Variants in EIF2D observed in about 807,000 individuals in gnomAD.
EIF2D encodes the protein eukaryotic translation initiation factor 2D.
In EIF2D, 56 loss-of-function variants were observed where a neutral mutation model predicts 77.4. That is an observed-to-expected ratio of 0.72 (90% confidence interval 0.58 to 0.90). EIF2D has a LOEUF of 0.90. EIF2D is among the 40% of genes least tolerant of loss of function. The probability of loss-of-function intolerance (pLI) is 0.00; values close to 1 mark genes in which losing one functional copy is unlikely to be tolerated. For synonymous variants in EIF2D, 230 were observed against 271.0 expected (o/e 0.85, Z 1.49); for missense variants, 574 against 706.5 (o/e 0.81, Z 2.13).
chr1:206,584,294 A>G lies in EIF2D; in HGVS notation c.139-3132T>C, dbSNP rs1226166000. ...GAGGCAGGAAAGAACTCAAGGAGAC[A>G]GGTGGGTGCTGCTGGGGCAATGGCC... On this transcript the variant is annotated intron_variant and NMD_transcript_variant, in intron 2 of 5. Coordinates refer to the EIF2D transcript ENST00000472709. The surrounding 1 kb of genome is among the most constrained non-coding windows in gnomAD (Gnocchi z 4.9). 9 of 1,236,768 alleles carry G rather than the reference A, an allele frequency of 7.3e-6. No homozygotes were observed. In the East Asian group the frequency reaches 2.2e-4, roughly 30 times the overall value. The allele number at this position is 1,236,768 out of a possible 1,614,324, so 76.6% of individuals were successfully genotyped here.
At chr1:206,612,199 C>T (rs1408018783) in intron 1 of EIF2D, 88 bp downstream of exon 1, 2 of 1,573,494 alleles carry the variant, frequency 1.3e-6, no homozygotes, top group East Asian at 4.5e-5. Flanking sequence ...CCGAGGATGT[C>T]GGCCAAGAAT....
intron 2 of EIF2D, among the ~76,000 whole-genome samples, chr1:206,582,358 G>A (rs1282939242): frequency 6.6e-6 from 1 of 152,202 alleles, no homozygotes; most frequent in Non-Finnish European, 1.5e-5. Context: ...GGTCTCACAG[G>A]AGGAACACAA....
intron 4 of EIF2D, among the ~76,000 whole-genome samples, chr1:206,576,584 G>A (rs1378680023): frequency 6.6e-6 from 1 of 152,182 alleles, no homozygotes; most frequent in Non-Finnish European, 1.5e-5. Flanking sequence ...GAGAGACCAG[G>A]ACAAAACTGT....
chr1:206,603,309 G>A (rs1214787080), intron 5 of EIF2D, 105 bp from the exon 6 acceptor site: 19 of 1,478,902 alleles, frequency 1.3e-5, no homozygotes, highest in Middle Eastern at 2.3e-4. Flanking sequence ...AGAGCCAACA[G>A]GCAGGAGTGG....
rs531402398 is a variant in EIF2D at position 206,608,195 on chromosome 1, AC to A, written c.422+40del. 2.1e-3 allele frequency: 3,309 copies of A among 1,576,768 alleles called. 42 individuals carry two copies. The highest frequency in any genetic ancestry group is 9.4e-4 in the Non-Finnish European group (1,083 of 1,153,062). On this transcript the variant is annotated intron_variant, in intron 4 of 14. Transcript: ENST00000271764. ...CATTCCCCTCCAACTTCTCTTTTAC[AC>A]AAGTTTTTCCCCCAAAGGCACAGTT...
downstream of EIF2D, among the ~76,000 whole-genome samples, chr1:206,591,027 C>A (rs1669322849): frequency 6.6e-6 from 1 of 152,330 alleles, no homozygotes; most frequent in East Asian, 1.9e-4. Context: ...CGTACAAAAT[C>A]TGTGCACCAT....
Position 206,579,656 on chromosome 1 carries a change from A to G in EIF2D, c.*254+1036T>C, listed in dbSNP as rs1352712625. Among the ~76,000 whole-genome samples the G allele has an allele frequency of 2.0e-5, 3 of 151,352 alleles. No individual in the cohort carries two copies. The highest frequency in any genetic ancestry group is 4.9e-5 in the African/African-American group (2 of 40,608). On this transcript the variant is annotated intron_variant and NMD_transcript_variant, in intron 4 of 5. Transcript: ENST00000472709. The surrounding 1 kb of genome is among the most constrained non-coding windows in gnomAD (Gnocchi z 4.2). Reference sequence around the variant, plus strand: ...ATGTTGCTGCGAATTAAAATCAACTAGGAGATTTTTAAAATTCCCATGCCC... The same window carrying G: ...ATGTTGCTGCGAATTAAAATCAACTGGGAGATTTTTAAAATTCCCATGCCC...
At chr1:206,585,109 C>T in intron 2 of EIF2D, 2 of 1,158,892 alleles carry the variant, frequency 1.7e-6, no homozygotes, top group East Asian at 2.3e-5. Context: ...CATTTCCAAT[C>T]CTTTCCCGCA....
chr1:206,602,173 T>C, intron 7 of EIF2D, 163 bp downstream of exon 7: 1 of 551,328 alleles, frequency 1.8e-6, no homozygotes, highest in South Asian at 2.6e-5. Context: ...ATTAACTTTT[T>C]AGAACCCAGG....
In EIF2D at chr1:206,602,976, G is replaced by A; in HGVS notation, c.759C>T (p.Asp253=). The stretch of plus-strand genomic sequence containing the variant: ...CTTGAAGCGTTTTGCTATCTGTGGA[G>A]TCTTGGTTCAGGCCCCTGGTGCTGG... ...EDTSTRGLNQ[D]STDSKTLQEQ... is the part of the protein sequence containing the mutation. The change falls in exon 6 of 15, where the codon GAC becomes GAT. Residue 253 remains aspartate (D), a synonymous_variant. Transcript: ENST00000271764. The A allele has an allele frequency of 6.2e-7, 1 of 1,614,154 alleles. No homozygotes were observed. Among genetic ancestry groups the A allele is most frequent in the Non-Finnish European group, 8.5e-7 (1 of 1,180,030 alleles).
chr1:206,598,249 G>A lies in EIF2D; in HGVS notation c.1292+754C>T, dbSNP rs117981238. On this transcript the variant is annotated intron_variant, in intron 11 of 14. Transcript: ENST00000271764. ...GACAGGGTTTCATCATGCTGCTCAG[G>A]TGGGTCTCAAACCCCTGGCCTCAAG... is the stretch of plus-strand genomic sequence containing the variant. Among the ~76,000 whole-genome samples, 10 of 151,750 alleles carry A rather than the reference G, an allele frequency of 6.6e-5. No individual in the cohort carries two copies. In the East Asian group the frequency reaches 1.9e-3, roughly 29 times the overall value.
At chr1:206,581,622 C>G (rs12127695) in intron 2 of EIF2D, among the ~76,000 whole-genome samples, 41 of 147,040 alleles carry the variant, frequency 2.8e-4, no homozygotes, top group African/African-American at 8.8e-4. Flanking sequence ...GAGAGAGAGA[C>G]AGAGAGAGAG....
At position 206,584,458 on chromosome 1, in the gene EIF2D, T is replaced by G; in HGVS notation, c.139-3296A>C. 1 of 1,614,152 alleles carries G rather than the reference T, an allele frequency of 6.2e-7. No homozygotes were observed. Among genetic ancestry groups the G allele is most frequent in the Non-Finnish European group, 8.5e-7 (1 of 1,180,044 alleles). On this transcript the variant is annotated intron_variant and NMD_transcript_variant, in intron 2 of 5. Transcript: ENST00000472709. This position sits in a 1 kb window ranked among gnomAD's most constrained non-coding sequence, Gnocchi z 4.9. ...TCCGGCGGCCTGTGACGGTGCCTGC[T>G]GGGATCCGGCCCCAGTCCATCTATG...
At chr1:206,598,941 T>G (rs1669784824) in intron 11 of EIF2D, 62 bp downstream of exon 11, 2 of 1,497,204 alleles carry the variant, frequency 1.3e-6, no homozygotes, top group Non-Finnish European at 1.9e-6. Context: ...TCCCCAAATG[T>G]GTCTATGTCT....
At chr1:206,583,585 C>A (rs1453875888) in intron 2 of EIF2D, 4 of 549,292 alleles carry the variant, frequency 7.3e-6, no homozygotes, top group Non-Finnish European at 1.3e-5. Context: ...ATCTGACTCT[C>A]ATTTTTTGCT....
rs912368465 is a variant in EIF2D at position 206,579,477 on chromosome 1, T to C, written c.*254+1215A>G. ...TCTTATCCTCTGAAGATTGCTATAG[T>C]ATCGATCTCGCTCTCATGGCAGATA... On this transcript the variant is annotated intron_variant and NMD_transcript_variant, in intron 4 of 5. Coordinates refer to the EIF2D transcript ENST00000472709. The surrounding 1 kb of genome is among the most constrained non-coding windows in gnomAD (Gnocchi z 4.2). Among the ~76,000 whole-genome samples, 1 of 152,286 alleles carries C rather than the reference T, an allele frequency of 6.6e-6. No individual in the cohort carries two copies. Among genetic ancestry groups the C allele is most frequent in the South Asian group, 2.1e-4 (1 of 4,828 alleles).
chr1:206,609,756 G>A (rs1459147382), intron 2 of EIF2D, among the ~76,000 whole-genome samples: 2 of 152,218 alleles, frequency 1.3e-5, no homozygotes, highest in Non-Finnish European at 2.9e-5. Flanking sequence ...TACGGCTTCA[G>A]AAGCAAGTAG....
rs782523199 is a variant in EIF2D at position 206,599,451 on chromosome 1, C to G, written c.1202+12G>C. On this transcript the variant is annotated intron_variant, in intron 10 of 14. Transcript: ENST00000271764. This position sits in a 1 kb window ranked among gnomAD's most constrained non-coding sequence, Gnocchi z 4.1. ...CAAGCAGGCAGAGAAGGGCTGCTCT[C>G]CAAAAACTCACTTGTGGCCAGACTC... 17 of 1,613,140 alleles carry G rather than the reference C, an allele frequency of 1.1e-5. No individual in the cohort carries two copies. Among genetic ancestry groups the G allele is most frequent in the Non-Finnish European group, 1.4e-5 (16 of 1,179,772 alleles).
rs74364341 is a variant in EIF2D at position 206,596,212 on chromosome 1, C to T, written c.1389-374G>A. Among the ~76,000 whole-genome samples the T allele has an allele frequency of 4.8e-3, 730 of 152,300 alleles. 10 individuals carry two copies. The highest frequency in any genetic ancestry group is 0.017 in the African/African-American group (703 of 41,554). On this transcript the variant is annotated intron_variant, in intron 12 of 14. Coordinates refer to ENST00000271764, the MANE Select transcript of EIF2D (RefSeq NM_006893.3). ...TGTGCCTTAAGTGGCCCATTGCCTGCGAGTGCTGCTTCACATTTCTGACAT... is the reference window on the plus strand; with the variant it reads ...TGTGCCTTAAGTGGCCCATTGCCTGTGAGTGCTGCTTCACATTTCTGACAT...
Sources: gnomAD v4.1 joint callset for allele counts (sites outside exome capture counted in the v4.1 genomes callset) on GRCh38, gnomAD v4.1.1 for gene constraint, Gnocchi (gnomAD v3.1) non-coding constraint, MANE v1.5 for transcripts, NCBI Gene and HGNC (gene_info 2026-07-23, HGNC 2026-07-21) for gene names.